Variants in CYTH4 observed in about 807,000 individuals in gnomAD.
CYTH4 encodes the protein cytohesin 4, also known as cytohesin-4.
CYTH4 carries 22 observed loss-of-function variants against 57.5 expected under a neutral mutation model. The observed-to-expected ratio is 0.38, with a 90% confidence interval of 0.27 to 0.55. CYTH4 has a LOEUF of 0.55. CYTH4 is among the 20% of genes least tolerant of loss of function. CYTH4 has a pLI of 0.74. For missense variants in CYTH4, 420 were observed against 535.6 expected, an observed-to-expected ratio of 0.78 and a Z score of 2.13; for synonymous variants, 186 against 206.5, an observed-to-expected ratio of 0.90 and a Z score of 0.85.
rs144723822 is a variant in CYTH4, at chr22:37,291,464, C to T, written c.20-1157C>T. Among the ~76,000 whole-genome samples, 540 of 152,298 alleles carry T rather than the reference C, an allele frequency of 3.5e-3. 5 individuals are homozygous for T. The highest frequency in any genetic ancestry group is 0.013 in the African/African-American group (522 of 41,556). Reference sequence around the variant, plus strand: ...TTAAGAAATGCGGCCAGGCACTTCCCGACGCTGGAACTTGAAGGTCAGCGA... The same window carrying T: ...TTAAGAAATGCGGCCAGGCACTTCCTGACGCTGGAACTTGAAGGTCAGCGA... On this transcript the variant is annotated intron_variant, in intron 1 of 12. Coordinates refer to ENST00000248901, the MANE Select transcript of CYTH4 (RefSeq NM_013385.5).
chr22:37,301,107 A>G, intron 7 of CYTH4, 88 bp downstream of exon 7: 1 of 1,166,140 alleles, frequency 8.6e-7, no homozygotes, highest in Non-Finnish European at 1.2e-6. Context: ...GGTTTCCCCC[A>G]GGTACCCAGA....
intron 1 of CYTH4, among the ~76,000 whole-genome samples, chr22:37,291,162 C>G (rs1294267645): frequency 2.0e-5 from 3 of 152,178 alleles, no homozygotes; most frequent in Non-Finnish European, 4.4e-5. Flanking sequence ...TAAAGAGACT[C>G]AGAATAACAG....
chr22:37,304,938 C>T (rs998165831), intron 8 of CYTH4, among the ~76,000 whole-genome samples: 1 of 152,184 alleles, frequency 6.6e-6, no homozygotes, highest in African/African-American at 2.4e-5. Flanking sequence ...CTGCGTGGCT[C>T]CCCAGCTAAA....
In CYTH4 at chr22:37,297,058, A is replaced by C. The variant is rs114309721; in HGVS notation, c.235-506A>C. 6.2e-3 allele frequency among the ~76,000 whole-genome samples: 939 copies of C among 152,352 alleles called. 8 individuals are homozygous for C. The highest frequency in any genetic ancestry group is 0.022 in the African/African-American group (906 of 41,582). On this transcript the variant is annotated intron_variant, in intron 4 of 12. Transcript: ENST00000248901. ...CCATTTTCACATAGAAAGGGAAGGA[A>C]GGTCACCACGATGGAAGCTGTCTGC...
At chr22:37,290,743 C>T (rs1399282570) in intron 1 of CYTH4, among the ~76,000 whole-genome samples, 2 of 152,198 alleles carry the variant, frequency 1.3e-5, no homozygotes, top group Non-Finnish European at 2.9e-5. Context: ...CTCCTGACCT[C>T]GTGACCCGCC....
At chr22:37,293,547 C>G (rs999371552) in intron 2 of CYTH4, among the ~76,000 whole-genome samples, 2 of 152,248 alleles carry the variant, frequency 1.3e-5, no homozygotes, top group East Asian at 3.8e-4. Flanking sequence ...GTGGGGCAAC[C>G]ACTCAGTGGC....
intron 4 of CYTH4, chr22:37,296,356 C>T (rs1039482357): frequency 9.1e-6 from 4 of 440,792 alleles, no homozygotes; most frequent in Non-Finnish European, 1.2e-5. Context: ...TTTCCTTCTC[C>T]ATGAATGTGG....
At chr22:37,299,492 G>T (rs961720286) in intron 6 of CYTH4, among the ~76,000 whole-genome samples, 186 bp downstream of exon 6, 5 of 152,218 alleles carry the variant, frequency 3.3e-5, no homozygotes, top group Admixed American at 6.5e-5. Flanking sequence ...CTGGGAAAGG[G>T]CCTAGTTCCT....
chr22:37,285,218 A>T (rs1928507232), intron 1 of CYTH4, among the ~76,000 whole-genome samples: 1 of 152,092 alleles, frequency 6.6e-6, no homozygotes, highest in South Asian at 2.1e-4. Context: ...AGTGGGGAGG[A>T]GCCGGGGAGA....
intron 8 of CYTH4, among the ~76,000 whole-genome samples, chr22:37,306,247 G>A (rs556358759): frequency 6.6e-6 from 1 of 152,264 alleles, no homozygotes; most frequent in African/African-American, 2.4e-5. Flanking sequence ...CCACTCTCCG[G>A]TGTTACAGTT....
At chr22:37,296,395 G>C (rs192474738) in intron 4 of CYTH4, 556 of 313,908 alleles carry the variant, frequency 1.8e-3, no homozygotes, top group African/African-American at 0.012. Flanking sequence ...TTGGATCTGG[G>C]GCTTAGGCTC....
At chr22:37,297,215 G>A (rs554486581) in intron 4 of CYTH4, among the ~76,000 whole-genome samples, 3 of 152,226 alleles carry the variant, frequency 2.0e-5, no homozygotes, top group South Asian at 2.1e-4. Context: ...AGTTTTAGGG[G>A]AACAAAAGAA....
At chr22:37,312,253 T>C (rs751509936) in intron 12 of CYTH4, 79 bp downstream of exon 12, 21 of 1,563,844 alleles carry the variant, frequency 1.3e-5, no homozygotes, top group Admixed American at 7.1e-5. Flanking sequence ...TGCTTCCTTA[T>C]CTGTAAAGGG....
At chr22:37,284,257 A>G (rs777672214) in intron 1 of CYTH4, among the ~76,000 whole-genome samples, 11 of 152,134 alleles carry the variant, frequency 7.2e-5, no homozygotes, top group Non-Finnish European at 1.3e-4. Context: ...ACGACCTTCC[A>G]GTGTGCTATG....
At chr22:37,289,773 A>G (rs1420117678) in intron 1 of CYTH4, among the ~76,000 whole-genome samples, 2 of 152,158 alleles carry the variant, frequency 1.3e-5, no homozygotes, top group Non-Finnish European at 2.9e-5. Context: ...CTGGCACTCT[A>G]TCTCTACCAG....
chr22:37,308,619 A>C (rs1033977437), intron 8 of CYTH4, among the ~76,000 whole-genome samples: 2 of 149,496 alleles, frequency 1.3e-5, no homozygotes, highest in South Asian at 4.3e-4. Context: ...TGTGTGCATA[A>C]GCATGCATGT....
chr22:37,304,091 C>T (rs1929304276), intron 8 of CYTH4: 3 of 442,688 alleles, frequency 6.8e-6, no homozygotes, highest in Admixed American at 4.8e-5. Flanking sequence ...GTCACTGCGG[C>T]TGTCATTGCT....
chr22:37,285,197 G>A (rs1322788821), intron 1 of CYTH4, among the ~76,000 whole-genome samples: 1 of 152,214 alleles, frequency 6.6e-6, no homozygotes, highest in Non-Finnish European at 1.5e-5. Context: ...AAAGAGGAAG[G>A]ACAAAGAGGA....
chr22:37,306,388 T>TAAG (rs1398736248), intron 8 of CYTH4, among the ~76,000 whole-genome samples: 1 of 152,246 alleles, frequency 6.6e-6, no homozygotes, highest in Non-Finnish European at 1.5e-5. Context: ...GACACAGTAC[T>TAAG]AAGTACTTTA....
Sources: gnomAD v4.1 joint callset for allele counts (sites outside exome capture counted in the v4.1 genomes callset) on GRCh38, gnomAD v4.1.1 for gene constraint, MANE v1.5 for transcripts, NCBI Gene and HGNC (gene_info 2026-07-23, HGNC 2026-07-21) for gene names.